Variants in YTHDF1 observed in about 807,000 individuals in gnomAD.
YTHDF1 encodes YTH domain-containing family protein 1.
A neutral mutation model predicts 49.1 loss-of-function variants in YTHDF1; 16 were observed. The observed-to-expected ratio is 0.33, with a 90% confidence interval of 0.22 to 0.49. YTHDF1 has a LOEUF of 0.49. YTHDF1 is among the 20% of genes least tolerant of loss of function. YTHDF1 has a pLI of 0.99. For synonymous variants in YTHDF1, 313 were observed against 290.1 expected (o/e 1.08, Z -0.80); for missense variants, 621 against 744.3 (o/e 0.83, Z 1.93).
chr20:63,199,153 G>T (rs2066506001), intron 4 of YTHDF1, among the ~76,000 whole-genome samples: 1 of 152,232 alleles, frequency 6.6e-6, no homozygotes, highest in East Asian at 1.9e-4. Flanking sequence ...AGAGAACCTT[G>T]AGAAAACCGC....
intron 4 of YTHDF1, among the ~76,000 whole-genome samples, chr20:63,196,974 A>C (rs988109740): frequency 3.9e-5 from 6 of 152,142 alleles, no homozygotes; most frequent in African/African-American, 1.2e-4. Context: ...AGCATCAACC[A>C]CAACGGTCAC....
intron 4 of YTHDF1, among the ~76,000 whole-genome samples, chr20:63,198,665 G>C (rs1342832295): frequency 6.6e-6 from 1 of 151,538 alleles, no homozygotes; most frequent in African/African-American, 2.4e-5. Context: ...AGCACAGCTC[G>C]TTCTTTTGAG....
chr20:63,209,625 C>T (rs2066564467), intron 3 of YTHDF1, among the ~76,000 whole-genome samples: 1 of 152,116 alleles, frequency 6.6e-6, no homozygotes, highest in Admixed American at 6.6e-5. Context: ...AAAAATAAGG[C>T]AGGAAGATCA....
intron 3 of YTHDF1, among the ~76,000 whole-genome samples, chr20:63,204,945 G>C (rs555221949): frequency 2.0e-5 from 3 of 152,160 alleles, no homozygotes; most frequent in South Asian, 4.2e-4. Context: ...GTGAGACGGG[G>C]TCCAGTGTGA....
chr20:63,197,136 G>A (rs1196324581), intron 4 of YTHDF1, among the ~76,000 whole-genome samples: 1 of 152,232 alleles, frequency 6.6e-6, no homozygotes, highest in Admixed American at 6.5e-5. Flanking sequence ...AAGGAGGCCA[G>A]GGAGACAGAA....
chr20:63,211,336 A>G (rs1034303779), intron 3 of YTHDF1, among the ~76,000 whole-genome samples: 1 of 152,062 alleles, frequency 6.6e-6, no homozygotes, highest in African/African-American at 2.4e-5. Flanking sequence ...GTGGTGGCAC[A>G]TGCCTGTAGT....
intron 3 of YTHDF1, among the ~76,000 whole-genome samples, chr20:63,207,993 A>G (rs990751844): frequency 2.6e-5 from 4 of 151,958 alleles, no homozygotes; most frequent in African/African-American, 9.6e-5. Context: ...TCCGTCTCAA[A>G]AAAAAAAAAA....
At position 63,203,241 on chromosome 20, in the gene YTHDF1, C is replaced by A. The variant is rs747220223; in HGVS notation, c.699G>T (p.Ser233=). 8 of 1,613,954 alleles carry A rather than the reference C, an allele frequency of 5.0e-6. No individual in the cohort carries two copies. The South Asian group carries it at 7.7e-5, about 16-fold the overall frequency. The change falls in exon 4 of 5, where the codon TCG becomes TCT. Residue 233 remains serine (S), a synonymous_variant. Coordinates refer to ENST00000370339, the MANE Select transcript of YTHDF1 (RefSeq NM_017798.4). The surrounding 1 kb of genome is among the most constrained non-coding windows in gnomAD (Gnocchi z 4.4). ...NVNMPVSKPT[S]WAAIASKPAK... ...CAGGCTTGCTGGCAATGGCAGCCCA[C>A]GAGGTCGGCTTTGAAACTGGCATGT...
At chr20:63,204,496 G>A (rs1020396814) in intron 3 of YTHDF1, among the ~76,000 whole-genome samples, 11 of 152,182 alleles carry the variant, frequency 7.2e-5, no homozygotes, top group Admixed American at 6.5e-4. Flanking sequence ...CACAGCGTTG[G>A]GCTCTTGCAG....
Position 63,202,967 on chromosome 20 carries a change from G to A in YTHDF1, c.973C>T (p.Gln325Ter). The change falls in exon 4 of 5, where the codon CAG becomes TAG. Residue 325 changes from glutamine to a stop codon, truncating the protein, a stop_gained. Transcript: ENST00000370339. LOFTEE classifies it high-confidence loss of function. Reference protein sequence around the residue: ...PQYQSPQQPPQTRWVAPRNRN... With the variant: ...PQYQSPQQPP ...TTGCGTGGGGCAACCCAGCGGGTCT[G>A]GGGTGGCTGCTGAGGGCTCTGATAC... is the stretch of plus-strand genomic sequence containing the variant. The A allele has an allele frequency of 6.2e-7, 1 of 1,613,796 alleles. No individual in the cohort carries two copies. The highest frequency in any genetic ancestry group is 8.5e-7 in the Non-Finnish European group (1 of 1,180,026).
intron 3 of YTHDF1, among the ~76,000 whole-genome samples, chr20:63,211,652 G>A (rs959914434): frequency 2.6e-5 from 4 of 151,726 alleles, no homozygotes; most frequent in African/African-American, 7.3e-5. Context: ...CAAAAGCTCC[G>A]ACTTTATAAA....
At chr20:63,200,171 G>A (rs927066221) in intron 4 of YTHDF1, among the ~76,000 whole-genome samples, 8 of 152,074 alleles carry the variant, frequency 5.3e-5, no homozygotes, top group Non-Finnish European at 1.5e-5. Context: ...GACCAGCCTG[G>A]CCAACATGGT....
intron 2 of YTHDF1, 142 bp from the exon 3 acceptor site, chr20:63,214,085 G>C: frequency 7.2e-7 from 1 of 1,382,540 alleles, no homozygotes; most frequent in South Asian, 1.6e-5. Context: ...AACCAGTATA[G>C]AACTGATGTT....
At position 63,195,772 on chromosome 20, in the gene YTHDF1, TAAAAAAA is replaced by T. The variant is rs1260848701; in HGVS notation, c.*929_*935del. The T allele has an allele frequency of 2.0e-4, 31 of 152,228 alleles. No individual in the cohort carries two copies. Among genetic ancestry groups the T allele is most frequent in the Admixed American group, 3.9e-4 (6 of 15,290 alleles). The allele number at this position is 152,228 out of a possible 1,614,324, so 9.4% of individuals were successfully genotyped here. On this transcript the variant is annotated 3_prime_UTR_variant, in exon 5 of 5. Transcript: ENST00000370339. ...AAAACATGACAGCAAATTCATCTTC[TAAAAAAA>T]GTTTTGTTTTGTTTTTACCCATTCA...
At chr20:63,196,843 G>C (rs750620275) in intron 4 of YTHDF1, 109 bp from the exon 5 acceptor site, 1 of 1,329,640 alleles carries the variant, frequency 7.5e-7, no homozygotes, top group Non-Finnish European at 1.0e-6. Flanking sequence ...ATCTGGAGGC[G>C]GGACCCTGAA....
chr20:63,212,262 G>C (rs1197220157), intron 3 of YTHDF1, among the ~76,000 whole-genome samples: 1 of 152,192 alleles, frequency 6.6e-6, no homozygotes. Flanking sequence ...GGGCAGCGCT[G>C]CCGAGGCTCC....
At chr20:63,207,272 T>A (rs569128760) in intron 3 of YTHDF1, among the ~76,000 whole-genome samples, 1 of 151,708 alleles carries the variant, frequency 6.6e-6, no homozygotes, top group Non-Finnish European at 1.5e-5. Flanking sequence ...ATCAAGACCA[T>A]CCTGGCTAAC....
At chr20:63,212,044 A>T (rs1447007950) in intron 3 of YTHDF1, among the ~76,000 whole-genome samples, 4 of 151,754 alleles carry the variant, frequency 2.6e-5, no homozygotes, top group African/African-American at 9.7e-5. Flanking sequence ...CTCCCCCTTT[A>T]TTGGCTAAAA....
intron 4 of YTHDF1, among the ~76,000 whole-genome samples, chr20:63,200,166 G>A (rs1044504122): frequency 1.6e-4 from 24 of 152,214 alleles, no homozygotes; most frequent in African/African-American, 5.8e-4. Flanking sequence ...ATCGAGACCA[G>A]CCTGGCCAAC....
Sources: allele counts gnomAD v4.1 joint callset (sites outside exome capture counted in the v4.1 genomes callset), GRCh38; gene constraint gnomAD v4.1.1; non-coding constraint Gnocchi (gnomAD v3.1); transcripts MANE v1.5; gene names NCBI Gene and HGNC (gene_info 2026-07-23, HGNC 2026-07-21).